The following CELSR1 variants were observed in gnomAD, a reference collection of about 807,000 sequenced individuals.
CELSR1 encodes the protein adhesion G protein-coupled receptor C1.
A neutral mutation model predicts 249.1 loss-of-function variants in CELSR1; 110 were observed. The ratio of observed to expected loss-of-function variants is 0.44; its 90% CI spans 0.38 to 0.52. CELSR1 has a LOEUF of 0.52. CELSR1 is among the 20% of genes least tolerant of loss of function. The pLI is 0.00. For synonymous variants in CELSR1, 2,113 were observed against 1,900.0 expected (o/e 1.11, Z -2.92); for missense variants, 4,109 against 4,296.4 (o/e 0.96, Z 1.22).
At position 46,535,266 on chromosome 22, in the gene CELSR1, G is replaced by A; in HGVS notation, c.1905C>T (p.Ser635=). The change falls in exon 1 of 35, where the codon AGC becomes AGT. Residue 635 remains serine (S), a synonymous_variant. Transcript: ENST00000674500. Reference sequence around the variant, plus strand: ...CGGCACACACTGTGATCCAACCGGAGCTGTTGTGGATCTGGAAGGGGAAGT... The same window carrying A: ...CGGCACACACTGTGATCCAACCGGAACTGTTGTGGATCTGGAAGGGGAAGT... ...TPDFPFQIHN[S]SGWITVCAEL... The A allele has an allele frequency of 1.2e-6, 2 of 1,610,496 alleles. No homozygotes were observed. Among genetic ancestry groups the A allele is most frequent in the Non-Finnish European group, 1.7e-6 (2 of 1,180,010 alleles).
At chr22:46,494,403 C>G (rs575377470) in intron 1 of CELSR1, among the ~76,000 whole-genome samples, 1 of 152,240 alleles carries the variant, frequency 6.6e-6, no homozygotes, top group Admixed American at 6.5e-5. Flanking sequence ...TGGCACTGCA[C>G]TGAATCTACA....
At position 46,439,419 on chromosome 22, in the gene CELSR1, G is replaced by T. The variant is rs200176500; in HGVS notation, c.4184-8C>A. On this transcript the variant is annotated splice_polypyrimidine_tract_variant and splice_region_variant and intron_variant, in intron 2 of 34. Transcript: ENST00000674500. ...CCACCTCACAGTGCTCTCCTGGGGGGCGAGAGGAAGATGCCAGAGAGGAGG... is the reference window on the plus strand; with the variant it reads ...CCACCTCACAGTGCTCTCCTGGGGGTCGAGAGGAAGATGCCAGAGAGGAGG... 3.7e-6 allele frequency: 6 copies of T among 1,606,734 alleles called. No homozygotes were observed. The highest frequency in any genetic ancestry group is 2.2e-5 in the East Asian group (1 of 44,640).
intron 9 of CELSR1, among the ~76,000 whole-genome samples, chr22:46,405,252 A>G: frequency 6.6e-6 from 1 of 151,108 alleles, no homozygotes; most frequent in East Asian, 2.0e-4. Flanking sequence ...CGAGGTCAGG[A>G]GACCGAGACC....
At chr22:46,383,874 T>C (rs1415635184) in intron 20 of CELSR1, among the ~76,000 whole-genome samples, 1 of 152,112 alleles carries the variant, frequency 6.6e-6, no homozygotes, top group Non-Finnish European at 1.5e-5. Flanking sequence ...CCAGCTCACA[T>C]ACAAATTTCA....
intron 14 of CELSR1, 132 bp downstream of exon 14, chr22:46,394,010 T>C: frequency 8.7e-7 from 1 of 1,150,872 alleles, no homozygotes. Context: ...GTGATGTGAG[T>C]GGGCACAGGT....
Position 46,430,614 on chromosome 22 carries a change from G to A in CELSR1, c.4611+2779C>T, listed in dbSNP as rs1171472370. ...GTCGTCTTCCCCAAAACCTTCCCTG[G>A]TGGCCCAAGGTCACCCCCAAGGTGG... On this transcript the variant is annotated intron_variant, in intron 5 of 34. Transcript: ENST00000674500. The surrounding 1 kb of genome is among the most constrained non-coding windows in gnomAD (Gnocchi z 4.6). 2.0e-5 allele frequency among the ~76,000 whole-genome samples: 3 copies of A among 152,114 alleles called. No homozygotes were observed. Among genetic ancestry groups the A allele is most frequent in the African/African-American group, 7.2e-5 (3 of 41,404 alleles).
chr22:46,376,246 G>A (rs1048291243), intron 24 of CELSR1, among the ~76,000 whole-genome samples: 1 of 152,170 alleles, frequency 6.6e-6, no homozygotes, highest in African/African-American at 2.4e-5. Flanking sequence ...TGAGGTAAAT[G>A]GCATTCATAG....
chr22:46,535,864 G>T lies in CELSR1; in HGVS notation c.1307C>A (p.Pro436Gln). ...GGTGGCCGTGGCACTGAGCGGGCCC[G>T]GATTGCGCCCCTGGTCGTTGGCCTC... The part of the protein sequence containing the change: ...LVEANDQGRN[P>Q]GPLSATATVY... The change falls in exon 1 of 35, where the codon CCG (proline) becomes CAG (glutamine). Residue 436 changes from proline (P) to glutamine (Q), a missense_variant. Physicochemically the swap from Pro to Gln is moderately conservative, Grantham distance 76. Around this residue, in one of 7 missense-constraint regions of CELSR1, gnomAD observed 673 missense variants for 636.8 expected, o/e 1.06. Coordinates refer to ENST00000674500, the MANE Select transcript of CELSR1 (RefSeq NM_001378328.1). 1.2e-6 allele frequency: 2 copies of T among 1,610,694 alleles called. No individual in the cohort carries two copies. Among genetic ancestry groups the T allele is most frequent in the Non-Finnish European group, 1.7e-6 (2 of 1,179,694 alleles).
chr22:46,435,849 C>T (rs1464908308), intron 4 of CELSR1, among the ~76,000 whole-genome samples: 1 of 152,008 alleles, frequency 6.6e-6, no homozygotes, highest in African/African-American at 2.4e-5. Context: ...TACAGGCGTG[C>T]ACCACCACGC....
At chr22:46,394,609 C>G (rs2079129020) in intron 13 of CELSR1, among the ~76,000 whole-genome samples, 1 of 152,240 alleles carries the variant, frequency 6.6e-6, no homozygotes, top group African/African-American at 2.4e-5. Flanking sequence ...GCTCAGCTGC[C>G]TGGCACAACT....
At chr22:46,424,739 G>A (rs1252485190) in intron 5 of CELSR1, among the ~76,000 whole-genome samples, 7 of 152,186 alleles carry the variant, frequency 4.6e-5, no homozygotes, top group Non-Finnish European at 8.8e-5. Flanking sequence ...TTGGAAGCAC[G>A]AGATGGGTGG....
At chr22:46,384,267 ACGCTCC>A in intron 20 of CELSR1, among the ~76,000 whole-genome samples, 1 of 152,264 alleles carries the variant, frequency 6.6e-6, no homozygotes, top group African/African-American at 2.4e-5. Context: ...TTTCATGCTT[ACGCTCC>A]AATGAGCATT....
Position 46,437,493 on chromosome 22 carries a change from C to A in CELSR1, c.4407-1204G>T, listed in dbSNP as rs888116334. Among the ~76,000 whole-genome samples the A allele has an allele frequency of 1.3e-5, 2 of 152,218 alleles. No homozygotes were observed. The highest frequency in any genetic ancestry group is 2.9e-5 in the Non-Finnish European group (2 of 68,042). On this transcript the variant is annotated intron_variant, in intron 3 of 34. Transcript: ENST00000674500. This position sits in a 1 kb window ranked among gnomAD's most constrained non-coding sequence, Gnocchi z 4.9. ...ATGGTTTCGGCTGGCCGGTGGCTCA[C>A]GCCTGTAATCCCAGCACTTTGGGAG...
chr22:46,415,041 T>G (rs1195829859), intron 5 of CELSR1, among the ~76,000 whole-genome samples: 1 of 152,102 alleles, frequency 6.6e-6, no homozygotes, highest in Non-Finnish European at 1.5e-5. Flanking sequence ...ACCGCGTGAC[T>G]CCATTCCTAC....
intron 1 of CELSR1, among the ~76,000 whole-genome samples, chr22:46,498,348 G>A (rs1192145497): frequency 9.0e-5 from 13 of 144,268 alleles, no homozygotes; most frequent in Non-Finnish European, 1.4e-4. Flanking sequence ...GGTGGCTCAC[G>A]CCTGTAATCC....
chr22:46,384,156 G>A (rs1265414490), intron 20 of CELSR1, among the ~76,000 whole-genome samples: 1 of 151,656 alleles, frequency 6.6e-6, no homozygotes, highest in South Asian at 2.1e-4. Context: ...GGCTGGTCTC[G>A]AACTCCTGAC....
chr22:46,397,425 T>G (rs2079160778), intron 12 of CELSR1, among the ~76,000 whole-genome samples: 3 of 151,956 alleles, frequency 2.0e-5, no homozygotes, highest in African/African-American at 7.3e-5. Context: ...CCGGCCTTAC[T>G]TTTCACTGTT....
chr22:46,491,167 C>T (rs554586778), intron 1 of CELSR1, among the ~76,000 whole-genome samples: 2 of 140,926 alleles, frequency 1.4e-5, no homozygotes, highest in East Asian at 4.1e-4. Flanking sequence ...CATACTGTGA[C>T]AACCGAAACA....
Position 46,373,052 on chromosome 22 carries a change from C to A in CELSR1, c.7590G>T (p.Leu2530=). The change falls in exon 25 of 35, where the codon CTG becomes CTT. Residue 2530 remains leucine, a synonymous_variant. Coordinates refer to ENST00000674500, the MANE Select transcript of CELSR1 (RefSeq NM_001378328.1). Reference sequence around the variant, plus strand: ...GGAGGAGGATGGCAACCACTGTGCACAGAAACTGCGCAGGGAGGGGCCGCT... The same window carrying A: ...GGAGGAGGATGGCAACCACTGTGCAAAGAAACTGCGCAGGGAGGGGCCGCT... The part of the protein sequence containing the change: ...IGINQTENPF[L]CTVVAILLHY... The A allele has an allele frequency of 6.2e-7, 1 of 1,603,766 alleles. No homozygotes were observed. Among genetic ancestry groups the A allele is most frequent in the Non-Finnish European group, 8.5e-7 (1 of 1,174,696 alleles).
Sources: gnomAD v4.1 joint callset for allele counts (sites outside exome capture counted in the v4.1 genomes callset) on GRCh38, gnomAD v4.1.1 for gene constraint, gnomAD v4.1.1 regional missense constraint, Gnocchi (gnomAD v3.1) non-coding constraint, MANE v1.5 for transcripts, NCBI Gene and HGNC (gene_info 2026-07-23, HGNC 2026-07-21) for gene names.